The following TMEM132C variants were observed in gnomAD, a reference collection of about 807,000 sequenced individuals.
TMEM132C encodes protein phosphatase 1, regulatory subunit 152.
In TMEM132C, 29 loss-of-function variants were observed where a neutral mutation model predicts 61.4. The observed-to-expected ratio is 0.47, with a 90% CI of 0.35 to 0.64. The LOEUF (loss-of-function observed/expected upper bound fraction) is 0.64, where lower values mean the gene tolerates loss of function less well. TMEM132C is among the 30% of genes least tolerant of loss of function. TMEM132C has a pLI of 0.00. For missense variants in TMEM132C, 1,408 were observed against 1,476.9 expected, an observed-to-expected ratio of 0.95 and a Z score of 0.76; for synonymous variants, 656 against 633.1, an observed-to-expected ratio of 1.04 and a Z score of -0.54.
At chr12:128,518,873 A>G (rs1256749753) in intron 2 of TMEM132C, among the ~76,000 whole-genome samples, 1 of 152,138 alleles carries the variant, frequency 6.6e-6, no homozygotes. Context: ...GAACTTGGGC[A>G]ATTTACATAA....
chr12:128,697,748 G>C (rs980837131), intron 8 of TMEM132C, among the ~76,000 whole-genome samples: 6 of 152,168 alleles, frequency 3.9e-5, no homozygotes, highest in African/African-American at 1.4e-4. Context: ...ATTGCACTTA[G>C]AAAGAGACCA....
chr12:128,614,339 T>C (rs1876729422), intron 3 of TMEM132C, among the ~76,000 whole-genome samples: 1 of 152,122 alleles, frequency 6.6e-6, no homozygotes, highest in East Asian at 1.9e-4. Flanking sequence ...CACAGGAAAA[T>C]GTAAACAAAT....
intron 1 of TMEM132C, among the ~76,000 whole-genome samples, chr12:128,329,018 A>G (rs965740969): frequency 6.6e-6 from 1 of 151,758 alleles, no homozygotes; most frequent in Non-Finnish European, 1.5e-5. Flanking sequence ...TTCCATTGCT[A>G]TTGTCTTGAG....
At chr12:128,497,859 A>G (rs1269852736) in intron 2 of TMEM132C, among the ~76,000 whole-genome samples, 1 of 152,088 alleles carries the variant, frequency 6.6e-6, no homozygotes, top group Non-Finnish European at 1.5e-5. Context: ...GACAAGCCCC[A>G]GTGAGATGAA....
chr12:128,393,507 G>A (rs1023698577), intron 1 of TMEM132C, among the ~76,000 whole-genome samples: 3 of 152,194 alleles, frequency 2.0e-5, no homozygotes, highest in African/African-American at 7.2e-5. Context: ...ATAGCACCGT[G>A]TTTGGCAGGA....
At chr12:128,325,660 C>T (rs1872485239) in intron 1 of TMEM132C, among the ~76,000 whole-genome samples, 1 of 152,144 alleles carries the variant, frequency 6.6e-6, no homozygotes, top group African/African-American at 2.4e-5. Flanking sequence ...GCATGGACCT[C>T]CCTGTATGCT....
Position 128,459,428 on chromosome 12 carries a change from G to A in TMEM132C, c.974+43808G>A, listed in dbSNP as rs542064502. ...TGGGTTTGAGAGACCAAGGAAGTGG[G>A]CTCTTTAGGATTTGGTTGTTGGTTG... On this transcript the variant is annotated intron_variant, in intron 2 of 8. Coordinates refer to ENST00000435159, the MANE Select transcript of TMEM132C (RefSeq NM_001136103.3). 1.6e-4 allele frequency among the ~76,000 whole-genome samples: 24 copies of A among 152,278 alleles called. 1 individual carries two copies. Among genetic ancestry groups the A allele is most frequent in the Non-Finnish European group, 8.8e-5 (6 of 68,030 alleles).
intron 4 of TMEM132C, among the ~76,000 whole-genome samples, chr12:128,651,904 G>T (rs1380216826): frequency 6.6e-6 from 1 of 152,204 alleles, no homozygotes; most frequent in Non-Finnish European, 1.5e-5. Flanking sequence ...CAGAACTTTG[G>T]CTTCACTCTG....
intron 5 of TMEM132C, among the ~76,000 whole-genome samples, chr12:128,683,404 C>T (rs1422016213): frequency 6.6e-6 from 1 of 152,132 alleles, no homozygotes; most frequent in Non-Finnish European, 1.5e-5. Flanking sequence ...CTTGTACTGC[C>T]CACCTTCTTT....
Position 128,415,677 on chromosome 12 carries a change from T to A in TMEM132C, c.974+57T>A. ...TGGCATGCCTGGTGTGAGACTGGGT[T>A]CCATGCGTGGCAGATAGATATTCAG... On this transcript the variant is annotated intron_variant, in intron 2 of 8. Transcript: ENST00000435159. The surrounding 1 kb of genome is among the most constrained non-coding windows in gnomAD (Gnocchi z 5.8). The A allele has an allele frequency of 6.9e-7, 1 of 1,451,922 alleles. No homozygotes were observed. The highest frequency in any genetic ancestry group is 9.2e-7 in the Non-Finnish European group (1 of 1,091,952). 89.9% of individuals were successfully genotyped at this position (1,451,922 alleles called of 1,614,324 possible). A position where few individuals can be genotyped will look rare whatever the true frequency, so the allele number is the denominator to read the frequency against.
In TMEM132C at chr12:128,617,395, G is replaced by T. The variant is rs1876843273; in HGVS notation, c.1305+1060G>T. 2.0e-5 allele frequency among the ~76,000 whole-genome samples: 3 copies of T among 152,352 alleles called. No individual in the cohort carries two copies. In the South Asian group the frequency reaches 6.2e-4, roughly 32 times the overall value. ...CCAATCACTCCAGCAAATCCTTTGGGACAGAGACTGATTGGAACTGATTGG... is the reference window on the plus strand; with the variant it reads ...CCAATCACTCCAGCAAATCCTTTGGTACAGAGACTGATTGGAACTGATTGG... On this transcript the variant is annotated intron_variant, in intron 4 of 8. Coordinates refer to ENST00000435159, the MANE Select transcript of TMEM132C (RefSeq NM_001136103.3).
intron 2 of TMEM132C, among the ~76,000 whole-genome samples, chr12:128,455,283 A>G (rs1870302392): frequency 6.6e-6 from 1 of 152,212 alleles, no homozygotes; most frequent in Non-Finnish European, 1.5e-5. Context: ...GGGTCTGCCA[A>G]CTGAATTCAG....
chr12:128,705,181 C>T lies in TMEM132C; in HGVS notation c.2213C>T (p.Thr738Ile), dbSNP rs1351811677. Residue 738 changes from threonine to isoleucine, a missense_variant, in exon 9 of 9, where the codon ACC becomes ATC. Physicochemically the swap from Thr to Ile is moderately conservative, Grantham distance 89. Coordinates refer to ENST00000435159, the MANE Select transcript of TMEM132C (RefSeq NM_001136103.3). ...ACCAAGGACTTCTCCCTGGCAGCCA[C>T]CTCCCAGGACGAGGCTGTCGTGTCA... Reference protein sequence around the residue: ...YDTKDFSLAATSQDEAVVSVP... With the variant: ...YDTKDFSLAAISQDEAVVSVP... 6.4e-7 allele frequency: 1 copy of T among 1,551,694 alleles called. No individual in the cohort carries two copies. The highest frequency in any genetic ancestry group is 8.7e-7 in the Non-Finnish European group (1 of 1,146,990).
At chr12:128,660,111 G>A (rs945850280) in intron 4 of TMEM132C, among the ~76,000 whole-genome samples, 8 of 152,226 alleles carry the variant, frequency 5.3e-5, no homozygotes, top group Admixed American at 2.0e-4. Flanking sequence ...AATCTGGCAC[G>A]TAATGCATGC....
At chr12:128,423,232 C>G (rs988410623) in intron 2 of TMEM132C, among the ~76,000 whole-genome samples, 1 of 152,184 alleles carries the variant, frequency 6.6e-6, no homozygotes, top group Non-Finnish European at 1.5e-5. Flanking sequence ...CAAGGAGCTG[C>G]TTCTCAGCTT....
intron 8 of TMEM132C, among the ~76,000 whole-genome samples, chr12:128,699,933 C>T (rs12369417): frequency 0.053 from 8,135 of 152,144 alleles, 306 homozygotes; most frequent in Non-Finnish European, 0.083. Flanking sequence ...GCAGATGGGC[C>T]AGGAAATCAA....
intron 2 of TMEM132C, among the ~76,000 whole-genome samples, chr12:128,483,573 T>C (rs1353433448): frequency 6.6e-6 from 1 of 152,030 alleles, no homozygotes; most frequent in Non-Finnish European, 1.5e-5. Flanking sequence ...AAAATGCAGT[T>C]GCTATAAGGA....
At chr12:128,613,423 G>A (rs190436028) in intron 3 of TMEM132C, among the ~76,000 whole-genome samples, 20 of 152,236 alleles carry the variant, frequency 1.3e-4, no homozygotes, top group Non-Finnish European at 2.2e-4. Flanking sequence ...ACAGATCCTC[G>A]CCTAAGACAG....
At chr12:128,581,022 A>G (rs1875314673) in intron 3 of TMEM132C, among the ~76,000 whole-genome samples, 1 of 152,124 alleles carries the variant, frequency 6.6e-6, no homozygotes, top group Admixed American at 6.5e-5. Flanking sequence ...GTTGAGAACC[A>G]CTAGTTTACA....
Sources: gnomAD v4.1 joint callset for allele counts (sites outside exome capture counted in the v4.1 genomes callset) on GRCh38, gnomAD v4.1.1 for gene constraint, Gnocchi (gnomAD v3.1) non-coding constraint, MANE v1.5 for transcripts, NCBI Gene and HGNC (gene_info 2026-07-23, HGNC 2026-07-21) for gene names.